CRB2: variants seen among roughly 807,000 people sequenced by gnomAD.
The protein encoded by CRB2 is crumbs cell polarity complex component 2, also known as protein crumbs homolog 2.
A neutral mutation model predicts 110.9 loss-of-function variants in CRB2; 85 were observed. The observed-to-expected ratio is 0.77, with a 90% CI of 0.64 to 0.92. CRB2 has a LOEUF of 0.92. Among genes scored for constraint, CRB2 ranks in the 40% least tolerant of loss-of-function variants. The pLI, the probability that CRB2 is intolerant of heterozygous loss-of-function variation, is 0.00. For synonymous variants in CRB2, 907 were observed against 831.0 expected, an observed-to-expected ratio of 1.09 and a Z score of -1.57; for missense variants, 1,843 against 1,851.3, an observed-to-expected ratio of 1.00 and a Z score of 0.08.
chr9:123,377,047 GGAGA>G lies in CRB2; in HGVS notation c.3846_3849del (p.Glu1282AspfsTer117), dbSNP rs1451708328. The G allele has an allele frequency of 9.5e-6, 15 of 1,585,582 alleles. No individual in the cohort carries two copies. Among genetic ancestry groups the G allele is most frequent in the Non-Finnish European group, 1.3e-5 (15 of 1,164,914 alleles). The stretch of plus-strand genomic sequence containing the variant: ...ACAGTGTCCTCAAGGTGCCACCGGA[GGAGA>G]GACTCATCTAGGCCAGCCTGGCTGC... On this transcript the variant is annotated frameshift_variant, in exon 13 of 13. Transcript: ENST00000373631. LOFTEE classifies it high-confidence loss of function.
intron 2 of CRB2, among the ~76,000 whole-genome samples, 197 bp from the exon 3 acceptor site, chr9:123,365,720 G>C (rs900122279): frequency 2.6e-5 from 4 of 152,122 alleles, no homozygotes; most frequent in African/African-American, 9.7e-5. Context: ...GCCCCATGAA[G>C]GCAGGGCTGT....
rs201386154 is a variant in CRB2 at position 123,367,578 on chromosome 9, G to C, written c.946G>C (p.Asp316His). The change falls in exon 6 of 13, where the codon GAC becomes CAC. Residue 316 changes from aspartate to histidine, a missense_variant. Asp to His is a moderately conservative substitution (Grantham distance 81). Transcript: ENST00000373631. ...CHCPPGFEGA[D>H]CGVEVDECAS... ...CACAGCTGGGCCTCTTACAGGAGCC[G>C]ACTGCGGTGTGGAGGTGGACGAGTG... 6 of 1,555,388 alleles carry C rather than the reference G, an allele frequency of 3.9e-6. No homozygotes were observed. In the African/African-American group the frequency reaches 8.2e-5, roughly 21 times the overall value.
At chr9:123,371,638 C>G in intron 8 of CRB2, 60 bp downstream of exon 8, 2 of 1,599,300 alleles carry the variant, frequency 1.3e-6, no homozygotes, top group Non-Finnish European at 8.5e-7. Context: ...AGGATCTGTC[C>G]TGTGTCACCG....
intron 1 of CRB2, 150 bp downstream of exon 1, chr9:123,356,504 C>A: frequency 8.6e-6 from 4 of 463,948 alleles, no homozygotes; most frequent in Non-Finnish European, 1.1e-5. Context: ...GCGGCTGTGG[C>A]CCCCAGACTC....
upstream of CRB2, among the ~76,000 whole-genome samples, chr9:123,354,687 T>C (rs2041780310): frequency 6.6e-6 from 1 of 152,114 alleles, no homozygotes; most frequent in Admixed American, 6.5e-5. Flanking sequence ...AAAGATGGAC[T>C]GAGAGAGGTT....
upstream of CRB2, among the ~76,000 whole-genome samples, chr9:123,354,370 G>C (rs1230082633): frequency 6.6e-6 from 1 of 152,244 alleles, no homozygotes; most frequent in Admixed American, 6.5e-5. Context: ...CCAGAGGGTG[G>C]TGGTTGACTT....
At chr9:123,366,435 T>TG in intron 4 of CRB2, 69 bp downstream of exon 4, 1 of 1,465,328 alleles carries the variant, frequency 6.8e-7, no homozygotes, top group Non-Finnish European at 8.9e-7. Context: ...CCTGGGGCGG[T>TG]GGGGCAGGTG....
chr9:123,365,821 C>A (rs2041922674), intron 2 of CRB2, 96 bp from the exon 3 acceptor site: 1 of 920,678 alleles, frequency 1.1e-6, no homozygotes, highest in Admixed American at 3.4e-5. Flanking sequence ...ATGAATGAAT[C>A]CACGAGTCTC....
chr9:123,379,387 G>C (rs761576468), downstream of CRB2, among the ~76,000 whole-genome samples: 5 of 152,250 alleles, frequency 3.3e-5, no homozygotes, highest in African/African-American at 4.8e-5. Flanking sequence ...CCTCAACGTC[G>C]TTGGAGGCCT....
chr9:123,354,673 G>C (rs1170586983), upstream of CRB2, among the ~76,000 whole-genome samples: 7 of 152,176 alleles, frequency 4.6e-5, no homozygotes, highest in Non-Finnish European at 8.8e-5. Context: ...AGAGGCAGGG[G>C]ATTAAAGATG....
In CRB2 at chr9:123,367,209, G is replaced by GT. The variant is rs764643513; in HGVS notation, c.793dup (p.Cys265LeufsTer17). 2 of 1,601,758 alleles carry GT rather than the reference G, an allele frequency of 1.2e-6. No homozygotes were observed. The highest frequency in any genetic ancestry group is 1.7e-6 in the Non-Finnish European group (2 of 1,178,414). ...AGCTGTGCGAGGTGGACGAGGACGA[G>GT]TGTGCATCGAGCCCCTGCCAGCATG... is the stretch of plus-strand genomic sequence containing the variant. On this transcript the variant is annotated frameshift_variant, in exon 5 of 13. Coordinates refer to ENST00000373631, the MANE Select transcript of CRB2 (RefSeq NM_173689.7). LOFTEE classifies it high-confidence loss of function.
rs756676294 is a variant in CRB2, at chr9:123,376,959, G to A, written c.3755G>A (p.Arg1252His). ...GGGATCCTGGCAGCCCGAAAGCGCC[G>A]CCAGTCTGAGGGCACCTACAGCCCA... ...LSGILAARKRRQSEGTYSPSQ... is the reference protein window; with the variant it reads ...LSGILAARKRHQSEGTYSPSQ... Residue 1252 changes from arginine (R) to histidine (H), a missense_variant, in exon 13 of 13, where the codon CGC becomes CAC. Coordinates refer to ENST00000373631, the MANE Select transcript of CRB2 (RefSeq NM_173689.7). The A allele has an allele frequency of 1.4e-5, 23 of 1,607,284 alleles. No homozygotes were observed. Among genetic ancestry groups the A allele is most frequent in the Non-Finnish European group, 1.9e-5 (22 of 1,178,036 alleles).
chr9:123,373,680 C>A lies in CRB2; in HGVS notation c.3149C>A (p.Pro1050Gln). ...HFASWPGTPA[P>Q]ILGCRGAPVC... ...GCGTCTTGGCCTGGGACGCCGGCCC[C>A]GATCCTCGGCTGCCGCGGCGCGCCC... Residue 1050 changes from proline to glutamine, a missense_variant, in exon 10 of 13, where the codon CCG becomes CAG. By Grantham distance (76) the Pro-to-Gln change is moderately conservative. Coordinates refer to ENST00000373631, the MANE Select transcript of CRB2 (RefSeq NM_173689.7). The A allele has an allele frequency of 6.8e-7, 1 of 1,461,816 alleles. No individual in the cohort carries two copies. The highest frequency in any genetic ancestry group is 9.0e-7 in the Non-Finnish European group (1 of 1,116,828). The allele number at this position is 1,461,816 out of a possible 1,614,324, so 90.6% of individuals were successfully genotyped here.
intron 6 of CRB2, chr9:123,368,651 G>C: frequency 2.5e-6 from 1 of 399,700 alleles, no homozygotes; most frequent in Non-Finnish European, 3.5e-6. Context: ...GCTCACTGTT[G>C]GGTGACAGGG....
chr9:123,368,394 C>CT (rs1363131430), intron 6 of CRB2, among the ~76,000 whole-genome samples: 14 of 152,230 alleles, frequency 9.2e-5, no homozygotes, highest in African/African-American at 3.1e-4. Flanking sequence ...GGCCCATCCA[C>CT]TGCCTCCATG....
intron 1 of CRB2, among the ~76,000 whole-genome samples, chr9:123,359,743 C>G (rs182637877): frequency 6.6e-6 from 1 of 152,136 alleles, no homozygotes; most frequent in Non-Finnish European, 1.5e-5. Context: ...AGCCACTGCA[C>G]CTGGCTTCAG....
Position 123,359,441 on chromosome 9 carries a change from G to GTT in CRB2, c.94+3111_94+3112dup, listed in dbSNP as rs375773781. On this transcript the variant is annotated intron_variant, in intron 1 of 12. Transcript: ENST00000373631. ...GTTTGTGGTTTTTCGTTTTTGTTTT[G>GTT]TTTTTTTTTTTTTTTTTTTTTTTTT... is the stretch of plus-strand genomic sequence containing the variant. 7.0e-3 allele frequency among the ~76,000 whole-genome samples: 664 copies of GTT among 94,274 alleles called. 24 individuals are homozygous for GTT. Among genetic ancestry groups the GTT allele is most frequent in the African/African-American group, 0.036 (620 of 17,024 alleles). The allele number at this position is 94,274 out of a possible 152,430, so 61.8% of individuals were successfully genotyped here.
Position 123,373,360 on chromosome 9 carries a change from G to C in CRB2, c.2829G>C (p.Val943=). 6.9e-7 allele frequency: 1 copy of C among 1,439,118 alleles called. No homozygotes were observed. The highest frequency in any genetic ancestry group is 1.5e-5 in the African/African-American group (1 of 66,896). 89.1% of individuals were successfully genotyped at this position (1,439,118 alleles called of 1,614,324 possible). ...VRGGHGLPGA[V]LPIPGPRVAD... ...GAGGCCATGGCCTGCCCGGCGCTGT[G>C]CTGCCCATACCGGGGCCGCGCGTGG... Residue 943 remains valine, a synonymous_variant, in exon 10 of 13, where the codon GTG becomes GTC. Transcript: ENST00000373631.
At chr9:123,367,467 T>C in intron 5 of CRB2, 106 bp from the exon 6 acceptor site, 2 of 830,894 alleles carry the variant, frequency 2.4e-6, no homozygotes, top group South Asian at 3.4e-5. Context: ...CACACCCGAG[T>C]CTGCCCTCTC....
Sources: gnomAD v4.1 joint callset for allele counts (sites outside exome capture counted in the v4.1 genomes callset) on GRCh38, gnomAD v4.1.1 for gene constraint, MANE v1.5 for transcripts, NCBI Gene and HGNC (gene_info 2026-07-23, HGNC 2026-07-21) for gene names.